The following ARHGAP22 variants were observed in gnomAD, a reference collection of about 807,000 sequenced individuals.
ARHGAP22 encodes the protein rho GTPase-activating protein 22.
Under a neutral mutation model 59.1 loss-of-function variants are expected in ARHGAP22, and 48 were observed. The observed-to-expected ratio is 0.81, with a 90% CI of 0.64 to 1.03. The LOEUF is 1.03. ARHGAP22 is among the 50% of genes least tolerant of loss of function. ARHGAP22 has a pLI of 0.00. For missense variants in ARHGAP22, 1,015 were observed against 958.7 expected, an observed-to-expected ratio of 1.06 and a Z score of -0.78; for synonymous variants, 445 against 416.4, an observed-to-expected ratio of 1.07 and a Z score of -0.84.
chr10:48,603,266 G>A (rs1023640300), intron 1 of ARHGAP22, among the ~76,000 whole-genome samples: 3 of 152,220 alleles, frequency 2.0e-5, no homozygotes, highest in Non-Finnish European at 4.4e-5. Flanking sequence ...AAGCCCCTTT[G>A]CTGAAGCACT....
intron 3 of ARHGAP22, among the ~76,000 whole-genome samples, chr10:48,547,687 T>C (rs2056562426): frequency 1.3e-5 from 2 of 152,198 alleles, no homozygotes; most frequent in South Asian, 4.1e-4. Flanking sequence ...AGGGTGGCCA[T>C]TCACGTCTTC....
At chr10:48,634,786 A>G (rs1006856128) in intron 1 of ARHGAP22, among the ~76,000 whole-genome samples, 1 of 152,122 alleles carries the variant, frequency 6.6e-6, no homozygotes, top group African/African-American at 2.4e-5. Flanking sequence ...GTATTTGGAG[A>G]TAGGGCCTTT....
chr10:48,480,309 A>T (rs2049171192), intron 3 of ARHGAP22, among the ~76,000 whole-genome samples: 1 of 152,222 alleles, frequency 6.6e-6, no homozygotes, highest in South Asian at 2.1e-4. Context: ...TCACGGCTAG[A>T]CAGTGGATCG....
In ARHGAP22 at chr10:48,594,433, G is replaced by A. The variant is rs570538699; in HGVS notation, c.34+10330C>T. Among the ~76,000 whole-genome samples the A allele has an allele frequency of 5.9e-5, 9 of 152,256 alleles. No individual in the cohort carries two copies. In the East Asian group the frequency reaches 1.7e-3, roughly 29 times the overall value. Reference sequence around the variant, plus strand: ...GGTGTGTGGATCACTCATGGGCCGAGCCCTGCACTGACAAGAGCACCTGGC... The same window carrying A: ...GGTGTGTGGATCACTCATGGGCCGAACCCTGCACTGACAAGAGCACCTGGC... On this transcript the variant is annotated intron_variant, in intron 1 of 9. Transcript: ENST00000249601.
At chr10:48,532,202 G>T (rs757970768) in intron 3 of ARHGAP22, among the ~76,000 whole-genome samples, 2 of 152,176 alleles carry the variant, frequency 1.3e-5, no homozygotes, top group Non-Finnish European at 2.9e-5. Flanking sequence ...TCACACAGCT[G>T]GTGGGTAGAG....
chr10:48,650,253 T>A (rs2062505430), intron 1 of ARHGAP22, among the ~76,000 whole-genome samples: 1 of 144,362 alleles, frequency 6.9e-6, no homozygotes, highest in South Asian at 2.3e-4. Context: ...TACAAATTAA[T>A]CCAGTCTCAA....
intron 1 of ARHGAP22, among the ~76,000 whole-genome samples, chr10:48,643,194 AT>A (rs1357070867): frequency 1.3e-5 from 2 of 152,194 alleles, no homozygotes; most frequent in African/African-American, 4.8e-5. Flanking sequence ...TTCCTCAAGG[AT>A]CTACAACTAG....
intron 3 of ARHGAP22, among the ~76,000 whole-genome samples, chr10:48,518,212 T>G (rs2053480501): frequency 1.3e-5 from 2 of 152,058 alleles, no homozygotes; most frequent in African/African-American, 4.8e-5. Flanking sequence ...TCCCAGCATG[T>G]GGTTCCAGGC....
Position 48,479,747 on chromosome 10 carries a change from C to G in ARHGAP22, c.340G>C (p.Glu114Gln). ...EISPGGAGER[E>Q]KVPANPEALL... Reference sequence around the variant, plus strand: ...GCCTCGGGGTTGGCCGGCACCTTCTCCCGCTCCCCGGCACCACCTGCAAGA... The same window carrying G: ...GCCTCGGGGTTGGCCGGCACCTTCTGCCGCTCCCCGGCACCACCTGCAAGA... Residue 114 changes from glutamate (E) to glutamine (Q), a missense_variant, in exon 4 of 10, where the codon GAG becomes CAG. By Grantham distance (29) the Glu-to-Gln change is conservative. Transcript: ENST00000249601. The G allele has an allele frequency of 6.3e-7, 1 of 1,594,162 alleles. No individual in the cohort carries two copies. The highest frequency in any genetic ancestry group is 8.6e-7 in the Non-Finnish European group (1 of 1,168,830).
chr10:48,482,995 CTTCTT>C (rs1394907334), intron 3 of ARHGAP22, among the ~76,000 whole-genome samples: 1 of 152,026 alleles, frequency 6.6e-6, no homozygotes, highest in Non-Finnish European at 1.5e-5. Context: ...ATGAGACAAA[CTTCTT>C]TTCAGCTCCT....
At chr10:48,513,432 T>A (rs1385072505) in intron 3 of ARHGAP22, among the ~76,000 whole-genome samples, 2 of 152,152 alleles carry the variant, frequency 1.3e-5, no homozygotes, top group Non-Finnish European at 2.9e-5. Flanking sequence ...TATGGCAGAG[T>A]CACAAACTTC....
Position 48,455,338 on chromosome 10 carries a change from C to T in ARHGAP22, c.660-204G>A, listed in dbSNP as rs144422393. Reference sequence around the variant, plus strand: ...GCAGTGGATAGAGCTGGGGCAGGGACGACTAAGTATCCATGGCCAGGAGCT... The same window carrying T: ...GCAGTGGATAGAGCTGGGGCAGGGATGACTAAGTATCCATGGCCAGGAGCT... On this transcript the variant is annotated intron_variant, in intron 5 of 9. Transcript: ENST00000249601. Among the ~76,000 whole-genome samples the T allele has an allele frequency of 5.8e-3, 883 of 152,300 alleles. 5 individuals carry two copies. The highest frequency in any genetic ancestry group is 9.8e-3 in the Non-Finnish European group (666 of 68,006).
chr10:48,464,629 G>A (rs750213212), intron 4 of ARHGAP22, among the ~76,000 whole-genome samples: 1 of 152,196 alleles, frequency 6.6e-6, no homozygotes, highest in Non-Finnish European at 1.5e-5. Flanking sequence ...GTGGGGACAC[G>A]GGAAAGTAGG....
At chr10:48,576,925 C>T (rs1387050001) in intron 2 of ARHGAP22, among the ~76,000 whole-genome samples, 3 of 151,298 alleles carry the variant, frequency 2.0e-5, no homozygotes, top group Non-Finnish European at 4.4e-5. Flanking sequence ...CGCCACCCAC[C>T]GCCACCCAAC....
At chr10:48,541,053 G>A (rs2055883169) in intron 3 of ARHGAP22, among the ~76,000 whole-genome samples, 1 of 152,048 alleles carries the variant, frequency 6.6e-6, no homozygotes, top group African/African-American at 2.4e-5. Flanking sequence ...AGGTGGCATG[G>A]GTGGGGCCCC....
intron 3 of ARHGAP22, among the ~76,000 whole-genome samples, chr10:48,545,830 C>T (rs997303348): frequency 5.9e-5 from 9 of 152,186 alleles, no homozygotes; most frequent in East Asian, 1.9e-4. Context: ...AGCCATAAGA[C>T]GGGCAGGAAC....
In ARHGAP22 at chr10:48,450,860, C is replaced by CTGCA; in HGVS notation, c.1265_1268dup (p.Gln423HisfsTer184). 1 of 1,590,582 alleles carries CTGCA rather than the reference C, an allele frequency of 6.3e-7. No individual in the cohort carries two copies. The highest frequency in any genetic ancestry group is 8.6e-7 in the Non-Finnish European group (1 of 1,169,446). On this transcript the variant is annotated frameshift_variant, in exon 9 of 10. Transcript: ENST00000249601. LOFTEE classifies it high-confidence loss of function. ...AGGAGGACTTCCAACTGGGCAGGGT[C>CTGCA]TGCACCTTCTTCCCAGGGCTGCACC...
chr10:48,475,791 T>C (rs1175641621), intron 4 of ARHGAP22, among the ~76,000 whole-genome samples: 2 of 152,234 alleles, frequency 1.3e-5, no homozygotes, highest in African/African-American at 4.8e-5. Flanking sequence ...AGGATCCTGG[T>C]AGAAGATGGG....
At chr10:48,534,398 C>T (rs1051685848) in intron 3 of ARHGAP22, among the ~76,000 whole-genome samples, 4 of 152,222 alleles carry the variant, frequency 2.6e-5, no homozygotes, top group African/African-American at 9.6e-5. Context: ...CTCCCCCACC[C>T]CCAGGAGAAA....
Sources: allele counts gnomAD v4.1 joint callset (sites outside exome capture counted in the v4.1 genomes callset), GRCh38; gene constraint gnomAD v4.1.1; transcripts MANE v1.5; gene names NCBI Gene and HGNC (gene_info 2026-07-23, HGNC 2026-07-21).